COL22A1: variants seen among roughly 807,000 people sequenced by gnomAD.
The protein encoded by COL22A1 is collagen alpha-1(XXII) chain.
In COL22A1, 221 loss-of-function variants were observed where a neutral mutation model predicts 248.9. That is an observed-to-expected ratio of 0.89 (90% CI 0.80 to 0.99). The LOEUF is 0.99. Ranked by LOEUF, COL22A1 falls within the 50% of genes least tolerant of loss-of-function variation. COL22A1 has a pLI of 0.00. For synonymous variants in COL22A1, 891 were observed against 793.4 expected (o/e 1.12, Z -2.07); for missense variants, 2,240 against 2,179.0 (o/e 1.03, Z -0.56).
At chr8:138,618,145 C>T (rs1179117878) in intron 53 of COL22A1, among the ~76,000 whole-genome samples, 1 of 152,190 alleles carries the variant, frequency 6.6e-6, no homozygotes, top group Non-Finnish European at 1.5e-5. Flanking sequence ...TACGACCACT[C>T]TGCAAGAATG....
chr8:138,600,544 A>G (rs750871325), intron 60 of COL22A1, among the ~76,000 whole-genome samples: 11 of 152,196 alleles, frequency 7.2e-5, no homozygotes, highest in Non-Finnish European at 1.3e-4. Flanking sequence ...CTGTGTGCAC[A>G]GACTCCCTCT....
intron 9 of COL22A1, 48 bp downstream of exon 9, chr8:138,811,751 G>A (rs757299140): frequency 1.9e-6 from 3 of 1,610,964 alleles, no homozygotes; most frequent in Non-Finnish European, 2.5e-6. Context: ...AACTCCCACT[G>A]CACCACCCAG....
At chr8:138,676,525 A>G in intron 41 of COL22A1, 33 bp downstream of exon 41, 1 of 1,461,726 alleles carries the variant, frequency 6.8e-7, no homozygotes. Context: ...TATGTCCTGA[A>G]AGCAAGTAAG....
At chr8:138,650,353 C>G (rs1304997017) in intron 45 of COL22A1, among the ~76,000 whole-genome samples, 1 of 152,176 alleles carries the variant, frequency 6.6e-6, no homozygotes, top group African/African-American at 2.4e-5. Flanking sequence ...AAGGCAAGCA[C>G]TTAATCAATG....
intron 9 of COL22A1, among the ~76,000 whole-genome samples, chr8:138,809,151 C>T (rs1250873524): frequency 6.6e-5 from 10 of 152,022 alleles, no homozygotes; most frequent in South Asian, 2.1e-4. Flanking sequence ...TTCCGCTCCA[C>T]GGGGCTATTT....
chr8:138,760,287 C>T lies in COL22A1; in HGVS notation c.1858G>A (p.Gly620Ser), dbSNP rs1833363164. ...GCCACACCAGAAGGGCCGGGCCTGC[C>T]CTGGAGGAAAGAAAGAAAAGGCAGA... ...PGKPGDTGQQ[G>S]RPGPSGVAGP... Residue 620 changes from glycine to serine, a missense_variant and splice_region_variant, in exon 18 of 65, where the codon GGC becomes AGC. Physicochemically the swap from Gly to Ser is moderately conservative, Grantham distance 56 (BLOSUM62 0). Transcript: ENST00000303045. 1.3e-6 allele frequency: 2 copies of T among 1,598,224 alleles called. No homozygotes were observed. The highest frequency in any genetic ancestry group is 1.3e-5 in the African/African-American group (1 of 74,170).
chr8:138,876,946 CA>C (rs1187763752), intron 3 of COL22A1, among the ~76,000 whole-genome samples: 5 of 152,240 alleles, frequency 3.3e-5, no homozygotes, highest in African/African-American at 1.2e-4. Flanking sequence ...AATGTCACCC[CA>C]ATGCAATAGG....
chr8:138,778,237 T>A lies in COL22A1; in HGVS notation c.1758+116A>T, dbSNP rs745933920. The A allele has an allele frequency of 6.5e-6, 7 of 1,084,326 alleles. No individual in the cohort carries two copies. In the South Asian group the frequency reaches 9.1e-5, roughly 14 times the overall value. The allele number at this position is 1,084,326 out of a possible 1,614,324, so 67.2% of individuals were successfully genotyped here. On this transcript the variant is annotated intron_variant, in intron 15 of 64. Transcript: ENST00000303045. ...AGGAGATACCAACACTTCATTGGCA[T>A]CAGTAAGGCAAAACAGCATTACTGT...
chr8:138,693,785 G>A lies in COL22A1; in HGVS notation c.2701-86C>T, dbSNP rs555167423. 103 of 1,379,450 alleles carry A rather than the reference G, an allele frequency of 7.5e-5. No individual in the cohort carries two copies. The Middle Eastern group carries it at 1.1e-3, about 14-fold the overall frequency. 85.5% of individuals were successfully genotyped at this position (1,379,450 alleles called of 1,614,324 possible). A position where few individuals can be genotyped will look rare whatever the true frequency, so the allele number is the denominator to read the frequency against. On this transcript the variant is annotated intron_variant, in intron 34 of 64. Transcript: ENST00000303045. The stretch of plus-strand genomic sequence containing the variant: ...ACAGCAGGGAGGTCTCGGGAATACC[G>A]TGCTCATCAGAAGCATTATTCCAAA...
chr8:138,890,956 G>A (rs949229814), intron 1 of COL22A1, among the ~76,000 whole-genome samples: 1 of 152,096 alleles, frequency 6.6e-6, no homozygotes, highest in African/African-American at 2.4e-5. Flanking sequence ...CCAGGAGGTG[G>A]AGGTTGCAGT....
chr8:138,829,074 G>T (rs1010336430), intron 5 of COL22A1, among the ~76,000 whole-genome samples: 1 of 152,222 alleles, frequency 6.6e-6, no homozygotes, highest in Non-Finnish European at 1.5e-5. Context: ...TTGCAGATCC[G>T]CAGGGACTTT....
chr8:138,709,838 T>C (rs1363027961), intron 30 of COL22A1, among the ~76,000 whole-genome samples: 1 of 152,188 alleles, frequency 6.6e-6, no homozygotes, highest in Non-Finnish European at 1.5e-5. Flanking sequence ...ATGACATTTA[T>C]GTGGTTTTCC....
chr8:138,796,673 C>T (rs2131604717), intron 12 of COL22A1, 146 bp downstream of exon 12: 1 of 689,162 alleles, frequency 1.5e-6, no homozygotes, highest in East Asian at 2.5e-5. Flanking sequence ...GGAGGACACA[C>T]ATTGAGGCCA....
chr8:138,882,326 T>G (rs1346042244), intron 2 of COL22A1, among the ~76,000 whole-genome samples: 3 of 151,578 alleles, frequency 2.0e-5, no homozygotes, highest in African/African-American at 7.3e-5. Flanking sequence ...TCACACTCCC[T>G]CAAACTCACA....
chr8:138,784,481 G>A (rs1815331849), intron 12 of COL22A1, among the ~76,000 whole-genome samples: 1 of 152,122 alleles, frequency 6.6e-6, no homozygotes, highest in African/African-American at 2.4e-5. Flanking sequence ...CCCTCCCCTT[G>A]AGCCACTTCC....
chr8:138,703,475 GTGCACCC>G, intron 30 of COL22A1, 128 bp from the exon 31 acceptor site: 1 of 754,248 alleles, frequency 1.3e-6, no homozygotes, highest in Non-Finnish European at 2.3e-6. Context: ...GTGCAGGTAG[GTGCACCC>G]TGCACCTACC....
chr8:138,601,281 A>C (rs757659894), intron 60 of COL22A1, among the ~76,000 whole-genome samples: 10 of 152,162 alleles, frequency 6.6e-5, no homozygotes, highest in Non-Finnish European at 1.5e-4. Context: ...GGAAGGAGAC[A>C]GGAGGAAGAT....
intron 30 of COL22A1, among the ~76,000 whole-genome samples, chr8:138,712,885 G>A (rs942919541): frequency 6.0e-5 from 9 of 149,358 alleles, no homozygotes; most frequent in Admixed American, 5.3e-4. Context: ...AACAGAGAGT[G>A]AGGGTTCTAC....
intron 1 of COL22A1, among the ~76,000 whole-genome samples, chr8:138,908,120 A>C (rs185013255): frequency 5.9e-5 from 9 of 152,314 alleles, no homozygotes; most frequent in Admixed American, 2.0e-4. Flanking sequence ...GGTCCACAGC[A>C]AGCATTAAAC....
Sources: gnomAD v4.1 joint callset for allele counts (sites outside exome capture counted in the v4.1 genomes callset) on GRCh38, gnomAD v4.1.1 for gene constraint, MANE v1.5 for transcripts, NCBI Gene and HGNC (gene_info 2026-07-23, HGNC 2026-07-21) for gene names.